PTPRG: variants seen among roughly 807,000 people sequenced by gnomAD.
PTPRG encodes the protein receptor-type tyrosine-protein phosphatase gamma.
PTPRG carries 102 observed loss-of-function variants against 165.3 expected under a neutral mutation model. The observed-to-expected ratio is 0.62, with a 90% confidence interval of 0.53 to 0.73. The LOEUF (loss-of-function observed/expected upper bound fraction) is 0.73. Ranked by LOEUF, PTPRG falls within the 30% of genes least tolerant of loss-of-function variation. PTPRG has a pLI of 0.00. For synonymous variants in PTPRG, 675 were observed against 669.5 expected (o/e 1.01, Z -0.13); for missense variants, 1,866 against 1,861.4 (o/e 1.00, Z -0.05).
At chr3:61,925,219 T>G (rs1425696827) in intron 2 of PTPRG, among the ~76,000 whole-genome samples, 1 of 152,234 alleles carries the variant, frequency 6.6e-6, no homozygotes, top group African/African-American at 2.4e-5. Context: ...AGTCTGCATT[T>G]GGCCCATTGG....
chr3:61,948,327 C>CAA (rs372025391), intron 2 of PTPRG, among the ~76,000 whole-genome samples: 2 of 144,884 alleles, frequency 1.4e-5, no homozygotes, highest in African/African-American at 5.0e-5. Flanking sequence ...CTCCGTTTTA[C>CAA]AAAAAAAAAA....
chr3:61,966,816 C>G (rs1009181325), intron 2 of PTPRG, among the ~76,000 whole-genome samples: 1 of 152,188 alleles, frequency 6.6e-6, no homozygotes, highest in Non-Finnish European at 1.5e-5. Context: ...TGAATCAACA[C>G]TGGCATAGCA....
intron 10 of PTPRG, among the ~76,000 whole-genome samples, chr3:62,197,524 T>C (rs1699995034): frequency 1.3e-5 from 2 of 152,182 alleles, no homozygotes; most frequent in Admixed American, 6.5e-5. Flanking sequence ...TGTGAACATA[T>C]TGGTCTCTTT....
chr3:62,145,502 C>G (rs1304984312), intron 6 of PTPRG, among the ~76,000 whole-genome samples: 3 of 152,134 alleles, frequency 2.0e-5, no homozygotes, highest in Admixed American at 2.0e-4. Flanking sequence ...TGTTGCTCAA[C>G]TTAATTCGTC....
At chr3:61,673,484 T>C (rs997737565) in intron 1 of PTPRG, among the ~76,000 whole-genome samples, 1 of 152,240 alleles carries the variant, frequency 6.6e-6, no homozygotes, top group African/African-American at 2.4e-5. Context: ...ATTTCAATGC[T>C]ATTATTATTG....
intron 2 of PTPRG, among the ~76,000 whole-genome samples, chr3:61,950,242 T>TC (rs1288278013): frequency 1.3e-5 from 2 of 152,202 alleles, no homozygotes; most frequent in Non-Finnish European, 2.9e-5. Flanking sequence ...CCCCCAGCTC[T>TC]CCCCCATCTG....
rs896862245 is a variant in PTPRG at position 61,810,596 on chromosome 3, A to G, written c.190+61614A>G. The stretch of plus-strand genomic sequence containing the variant: ...GTGTGTTTATGATGCAGACCCAGCT[A>G]GAAGACAAGTTCCCAGGTCTGGCTA... On this transcript the variant is annotated intron_variant, in intron 2 of 29. Coordinates refer to ENST00000474889, the MANE Select transcript of PTPRG (RefSeq NM_002841.4). Among the ~76,000 whole-genome samples, 5 of 152,166 alleles carry G rather than the reference A, an allele frequency of 3.3e-5. No homozygotes were observed. The East Asian group carries it at 5.8e-4, about 18-fold the overall frequency.
chr3:62,136,082 T>G (rs1198629645), intron 6 of PTPRG, among the ~76,000 whole-genome samples: 2 of 151,930 alleles, frequency 1.3e-5, no homozygotes, highest in African/African-American at 4.8e-5. Flanking sequence ...CGCTTAAGAG[T>G]GGCACAGAGC....
intron 2 of PTPRG, among the ~76,000 whole-genome samples, chr3:61,760,425 C>A (rs746066511): frequency 1.3e-5 from 2 of 152,130 alleles, no homozygotes; most frequent in African/African-American, 2.4e-5. Context: ...AAAAATCCTA[C>A]CTTAGACCTG....
intron 4 of PTPRG, among the ~76,000 whole-genome samples, chr3:62,049,075 T>C (rs973800966): frequency 6.6e-6 from 1 of 151,120 alleles, no homozygotes; most frequent in African/African-American, 2.4e-5. Flanking sequence ...AACCTTGAAA[T>C]GGAGTAAGAA....
intron 12 of PTPRG, among the ~76,000 whole-genome samples, chr3:62,206,933 A>AG (rs1559650276): frequency 6.8e-6 from 1 of 146,172 alleles, no homozygotes; most frequent in East Asian, 1.9e-4. Flanking sequence ...AAAAAAAAAA[A>AG]AAAAAAGAAG....
chr3:61,999,115 C>T (rs560948558), intron 3 of PTPRG, among the ~76,000 whole-genome samples: 5 of 152,138 alleles, frequency 3.3e-5, no homozygotes, highest in East Asian at 1.9e-4. Flanking sequence ...GGCATTATCT[C>T]GATCACCGCA....
At chr3:61,592,458 G>A (rs1700594781) in intron 1 of PTPRG, among the ~76,000 whole-genome samples, 1 of 151,920 alleles carries the variant, frequency 6.6e-6, no homozygotes, top group Admixed American at 6.5e-5. Flanking sequence ...GGCACTGGGG[G>A]AAAAAAGGAC....
intron 1 of PTPRG, among the ~76,000 whole-genome samples, chr3:61,690,479 T>C (rs2106653437): frequency 6.6e-6 from 1 of 152,326 alleles, no homozygotes; most frequent in South Asian, 2.1e-4. Flanking sequence ...GGACGTCTGA[T>C]ACATGCAAAG....
chr3:62,186,566 C>CGTTTTTTTTTTTTT (rs1559620068), intron 8 of PTPRG, among the ~76,000 whole-genome samples: 4 of 99,608 alleles, frequency 4.0e-5, no homozygotes, highest in African/African-American at 1.8e-4. Flanking sequence ...TTTTTCTTTT[C>CGTTTTTTTTTTTTT]CTTTTTTTTT....
intron 4 of PTPRG, among the ~76,000 whole-genome samples, chr3:62,040,245 A>G (rs1428637215): frequency 2.0e-5 from 3 of 152,192 alleles, no homozygotes; most frequent in African/African-American, 7.2e-5. Flanking sequence ...CAAATTGGAG[A>G]CAATTTCTGC....
In PTPRG at chr3:62,245,339, C is replaced by T. The variant is rs1252630977; in HGVS notation, c.2467+1441C>T. 1.3e-5 allele frequency among the ~76,000 whole-genome samples: 2 copies of T among 152,160 alleles called. No individual in the cohort carries two copies. Among genetic ancestry groups the T allele is most frequent in the African/African-American group, 2.4e-5 (1 of 41,428 alleles). ...TGAATCTACTGGATTTGCACAATAG[C>T]GTGCATATACTTTTTCCTCTTGCTT... On this transcript the variant is annotated intron_variant, in intron 15 of 29. Transcript: ENST00000474889. This position sits in a 1 kb window ranked among gnomAD's most constrained non-coding sequence, Gnocchi z 4.2.
intron 16 of PTPRG, chr3:62,261,099 T>C (rs1701683452): frequency 6.6e-6 from 1 of 151,950 alleles, no homozygotes; most frequent in South Asian, 2.1e-4. Context: ...GTCAGATCTA[T>C]ACAACAGGAA....
At chr3:61,711,358 C>G (rs58178239) in intron 1 of PTPRG, among the ~76,000 whole-genome samples, 4,842 of 152,304 alleles carry the variant, frequency 0.032, 266 homozygotes, top group African/African-American at 0.11. Context: ...CTGTCTTCTA[C>G]AATGGTTGAA....
Sources: gnomAD v4.1 joint callset for allele counts (sites outside exome capture counted in the v4.1 genomes callset) on GRCh38, gnomAD v4.1.1 for gene constraint, Gnocchi (gnomAD v3.1) non-coding constraint, MANE v1.5 for transcripts, NCBI Gene and HGNC (gene_info 2026-07-23, HGNC 2026-07-21) for gene names.